TENM2: variants seen among roughly 807,000 people sequenced by gnomAD.
The protein encoded by TENM2 is teneurin-2.
Under a neutral mutation model 245.2 loss-of-function variants are expected in TENM2, and 52 were observed. The ratio of observed to expected loss-of-function variants is 0.21; its 90% CI spans 0.17 to 0.27. The LOEUF (loss-of-function observed/expected upper bound fraction) is 0.27, where lower values mean the gene tolerates loss of function less well. TENM2 is among the 10% of genes least tolerant of loss of function. TENM2 has a pLI of 1.00. For missense variants in TENM2, 3,046 were observed against 3,666.8 expected (o/e 0.83, Z 4.37); for synonymous variants, 1,363 against 1,438.9 (o/e 0.95, Z 1.19).
the TENM2 span, among the ~76,000 whole-genome samples, chr5:167,090,430 A>T: frequency 1.3e-5 from 2 of 152,340 alleles, no homozygotes; most frequent in Admixed American, 6.5e-5. Flanking sequence ...TTGCCAAGAA[A>T]TCTTAGTCAG....
At chr5:167,331,039 C>T (rs1432116898) in intron 1 of TENM2, among the ~76,000 whole-genome samples, 1 of 151,792 alleles carries the variant, frequency 6.6e-6, no homozygotes, top group African/African-American at 2.4e-5. Flanking sequence ...AGTTCAAGAC[C>T]AGCCTGACCA....
chr5:167,099,810 T>C, the TENM2 span, among the ~76,000 whole-genome samples: 1 of 152,204 alleles, frequency 6.6e-6, no homozygotes, highest in Non-Finnish European at 1.5e-5. Flanking sequence ...AAAACTAAAA[T>C]GTTGATCCCT....
intron 9 of TENM2, among the ~76,000 whole-genome samples, chr5:168,115,322 AAGGGAAGGAAGGGAAGGAAGGAAAGG>A (rs1794969259): frequency 7.5e-6 from 1 of 134,180 alleles, no homozygotes; most frequent in Non-Finnish European, 1.6e-5. Context: ...GAAGGGAAGG[AAGGGAAGGAAGGGAAGGAAGGAAAGG>A]AGGGAAGGAA....
chr5:167,907,269 A>T (rs932322895), intron 3 of TENM2, among the ~76,000 whole-genome samples: 21 of 149,240 alleles, frequency 1.4e-4, no homozygotes, highest in Admixed American at 1.3e-3. Flanking sequence ...ATAACATAAA[A>T]ATAAAAGAAG....
chr5:167,215,232 G>A, the TENM2 span, among the ~76,000 whole-genome samples: 28 of 152,300 alleles, frequency 1.8e-4, no homozygotes, highest in African/African-American at 6.3e-4. Context: ...GACATCACTT[G>A]AGAAGCTTTT....
chr5:167,579,995 A>T (rs1196558890), intron 2 of TENM2, among the ~76,000 whole-genome samples: 1 of 152,210 alleles, frequency 6.6e-6, no homozygotes, highest in Admixed American at 6.5e-5. Flanking sequence ...CGGAGGCCAA[A>T]ATACAAGTTT....
At chr5:168,122,069 C>G (rs1424946624) in intron 10 of TENM2, among the ~76,000 whole-genome samples, 1 of 152,244 alleles carries the variant, frequency 6.6e-6, no homozygotes, top group African/African-American at 2.4e-5. Flanking sequence ...GCTTATAGCA[C>G]AGTCTGTCCT....
chr5:168,094,791 G>A (rs1409270857), intron 8 of TENM2, among the ~76,000 whole-genome samples: 1 of 152,084 alleles, frequency 6.6e-6, no homozygotes, highest in Non-Finnish European at 1.5e-5. Context: ...GGGCCGCAGA[G>A]CAAGAGATGA....
chr5:168,108,514 G>C (rs969514020), intron 9 of TENM2, among the ~76,000 whole-genome samples: 6 of 152,186 alleles, frequency 3.9e-5, no homozygotes, highest in Non-Finnish European at 7.4e-5. Context: ...TGCTTGGCAC[G>C]TATTAAATGT....
chr5:167,149,193 T>A, the TENM2 span, among the ~76,000 whole-genome samples: 14 of 151,940 alleles, frequency 9.2e-5, no homozygotes, highest in African/African-American at 3.4e-4. Flanking sequence ...TATTTTCATT[T>A]AAGGCTGTTG....
chr5:167,062,825 G>T, the TENM2 span, among the ~76,000 whole-genome samples: 1 of 152,180 alleles, frequency 6.6e-6, no homozygotes, highest in Admixed American at 6.5e-5. Flanking sequence ...AGAACTTCTT[G>T]GCAGAGAAAA....
At chr5:168,027,744 T>G (rs1360189267) in intron 5 of TENM2, among the ~76,000 whole-genome samples, 2 of 152,222 alleles carry the variant, frequency 1.3e-5, no homozygotes, top group Non-Finnish European at 2.9e-5. Context: ...GTGTTAAAGA[T>G]TCTAACAGAG....
intron 3 of TENM2, among the ~76,000 whole-genome samples, chr5:167,900,306 T>C (rs942852829): frequency 6.6e-6 from 1 of 152,078 alleles, no homozygotes; most frequent in Non-Finnish European, 1.5e-5. Context: ...TCAAAGCACT[T>C]TCCATACATG....
At chr5:167,407,449 A>G (rs1762695722) in intron 2 of TENM2, among the ~76,000 whole-genome samples, 5 of 152,166 alleles carry the variant, frequency 3.3e-5, no homozygotes, top group Admixed American at 2.0e-4. Flanking sequence ...AAGTCCAGAT[A>G]TCAATATATT....
chr5:167,800,429 C>T (rs1156297454), intron 2 of TENM2, among the ~76,000 whole-genome samples: 1 of 152,188 alleles, frequency 6.6e-6, no homozygotes, highest in African/African-American at 2.4e-5. Flanking sequence ...CATTTCTAAT[C>T]ACGCATTATC....
chr5:167,717,770 G>A (rs1424151273), intron 2 of TENM2, among the ~76,000 whole-genome samples: 2 of 152,140 alleles, frequency 1.3e-5, no homozygotes, highest in East Asian at 3.9e-4. Flanking sequence ...AATCTGCAAA[G>A]CGGGATTGAT....
At chr5:166,979,194 C>CAGCAGCAG in the TENM2 span, among the ~76,000 whole-genome samples, 2,187 of 142,092 alleles carry the variant, frequency 0.015, 67 homozygotes, top group African/African-American at 0.057. Flanking sequence ...AGCACCACCA[C>CAGCAGCAG]CAGCAGCAGC....
chr5:167,034,491 G>A, the TENM2 span, among the ~76,000 whole-genome samples: 3 of 151,892 alleles, frequency 2.0e-5, no homozygotes, highest in African/African-American at 7.2e-5. Flanking sequence ...TTAGCCGGGC[G>A]TGGTGGCGGG....
At chr5:168,024,812 C>G (rs539990876) in intron 5 of TENM2, among the ~76,000 whole-genome samples, 1 of 152,160 alleles carries the variant, frequency 6.6e-6, no homozygotes, top group Non-Finnish European at 1.5e-5. Flanking sequence ...GTTTTACGTG[C>G]GGATTTGTGA....
Sources: allele counts gnomAD v4.1 joint callset (sites outside exome capture counted in the v4.1 genomes callset), GRCh38; gene constraint gnomAD v4.1.1; transcripts MANE v1.5; gene names NCBI Gene and HGNC (gene_info 2026-07-23, HGNC 2026-07-21).